Variants in CNTN6 observed in about 807,000 individuals in gnomAD.
The protein encoded by CNTN6 is contactin 6.
A neutral mutation model predicts 122.8 loss-of-function variants in CNTN6; 137 were observed. The observed-to-expected ratio is 1.12, with a 90% CI of 0.97 to 1.29. The LOEUF (loss-of-function observed/expected upper bound fraction) is 1.29. Ranked by LOEUF, CNTN6 falls within the 50% of genes most tolerant of loss-of-function variation. CNTN6 has a pLI of 0.00. For synonymous variants in CNTN6, 570 were observed against 426.0 expected (o/e 1.34, Z -4.16); for missense variants, 1,634 against 1,223.4 (o/e 1.34, Z -5.01).
intron 4 of CNTN6, among the ~76,000 whole-genome samples, chr3:1,257,723 G>A (rs1033266640): frequency 6.6e-6 from 1 of 152,160 alleles, no homozygotes; most frequent in African/African-American, 2.4e-5. Context: ...TCCCGGCAGG[G>A]TAGAACACTA....
At chr3:1,245,313 T>TA (rs553879529) in intron 4 of CNTN6, among the ~76,000 whole-genome samples, 2 of 17,514 alleles carry the variant, frequency 1.1e-4, no homozygotes, top group Non-Finnish European at 1.1e-4. Flanking sequence ...TATATATATA[T>TA]ATATATATAT....
intron 2 of CNTN6, among the ~76,000 whole-genome samples, chr3:1,170,502 G>T (rs996734905): frequency 1.3e-5 from 2 of 152,098 alleles, no homozygotes; most frequent in South Asian, 4.1e-4. Context: ...ACAGCCCTTT[G>T]ATTTCAAAAG....
At position 1,247,016 on chromosome 3, in the gene CNTN6, T is replaced by G. The variant is rs1575410014; in HGVS notation, c.358+19023T>G. Among the ~76,000 whole-genome samples, 4 of 151,956 alleles carry G rather than the reference T, an allele frequency of 2.6e-5. No homozygotes were observed. The Admixed American group carries it at 2.6e-4, about 10-fold the overall frequency. On this transcript the variant is annotated intron_variant, in intron 4 of 22. Coordinates refer to ENST00000446702, the MANE Select transcript of CNTN6 (RefSeq NM_001289080.2). ...TTTTGATAAACAGAAAAATTTAAAT[T>G]TAACATAGTTCAATCTATTGGTCTT...
At chr3:1,379,309 TA>T (rs1373157788) in intron 17 of CNTN6, among the ~76,000 whole-genome samples, 1 of 152,176 alleles carries the variant, frequency 6.6e-6, no homozygotes, top group Non-Finnish European at 1.5e-5. Context: ...CACCCATAGC[TA>T]CATCCATTAA....
intron 4 of CNTN6, among the ~76,000 whole-genome samples, chr3:1,251,807 A>G (rs768811844): frequency 5.9e-5 from 9 of 152,080 alleles, no homozygotes; most frequent in African/African-American, 7.2e-5. Flanking sequence ...TCATCCTCAC[A>G]TACCTCAAAC....
intron 4 of CNTN6, among the ~76,000 whole-genome samples, chr3:1,274,140 G>A (rs1691886145): frequency 6.6e-6 from 1 of 151,134 alleles, no homozygotes; most frequent in Admixed American, 6.6e-5. Context: ...ACTAGAAACA[G>A]AAACAATGAT....
At chr3:1,184,978 T>C (rs1559474474) in intron 2 of CNTN6, among the ~76,000 whole-genome samples, 1 of 152,172 alleles carries the variant, frequency 6.6e-6, no homozygotes, top group East Asian at 1.9e-4. Flanking sequence ...ATTCTAGCAT[T>C]ACGTTAATGT....
At chr3:1,275,748 C>T (rs12374165) in intron 4 of CNTN6, among the ~76,000 whole-genome samples, 67,411 of 151,874 alleles carry the variant, frequency 0.44, 16,487 homozygotes, top group Non-Finnish European at 0.56. Context: ...CTCACATGCG[C>T]GGTTCACAAT....
At chr3:1,303,484 C>T (rs1289167840) in intron 7 of CNTN6, among the ~76,000 whole-genome samples, 1 of 152,128 alleles carries the variant, frequency 6.6e-6, no homozygotes, top group Non-Finnish European at 1.5e-5. Context: ...TTAGCTAGTA[C>T]CTTTGCTTTT....
intron 11 of CNTN6, 92 bp from the exon 12 acceptor site, chr3:1,352,232 G>A: frequency 8.4e-7 from 1 of 1,188,436 alleles, no homozygotes; most frequent in African/African-American, 1.6e-5. Flanking sequence ...ATACACCCAT[G>A]ATTTTAGTAA....
intron 7 of CNTN6, among the ~76,000 whole-genome samples, chr3:1,310,421 T>G (rs2125922057): frequency 6.6e-6 from 1 of 152,288 alleles, no homozygotes; most frequent in East Asian, 1.9e-4. Flanking sequence ...CATGAATTAA[T>G]TTTCTAATAT....
At chr3:1,307,056 A>G (rs920151047) in intron 7 of CNTN6, among the ~76,000 whole-genome samples, 2 of 152,182 alleles carry the variant, frequency 1.3e-5, no homozygotes, top group South Asian at 2.1e-4. Flanking sequence ...TCTCCAAAGG[A>G]CAGACACTTG....
chr3:1,325,775 T>C lies in CNTN6; in HGVS notation c.947-40T>C, dbSNP rs774675977. ...AATGTAGCATAATGTCTTGGATAAC[T>C]GCCTTTTACCAAACAGTGGCACTTG... On this transcript the variant is annotated intron_variant, in intron 8 of 22. Coordinates refer to ENST00000446702, the MANE Select transcript of CNTN6 (RefSeq NM_001289080.2). The C allele has an allele frequency of 5.6e-6, 9 of 1,599,346 alleles. No individual in the cohort carries two copies. The South Asian group carries it at 7.9e-5, about 14-fold the overall frequency.
intron 2 of CNTN6, among the ~76,000 whole-genome samples, chr3:1,195,899 GT>G (rs142615739): frequency 2.0e-5 from 3 of 149,932 alleles, no homozygotes; most frequent in South Asian, 2.1e-4. Flanking sequence ...CCAAAGAGAA[GT>G]TTTTTTTTTA....
chr3:1,312,046 A>G (rs1479932297), intron 7 of CNTN6, among the ~76,000 whole-genome samples: 1 of 152,012 alleles, frequency 6.6e-6, no homozygotes, highest in African/African-American at 2.4e-5. Flanking sequence ...AATTAGGATT[A>G]TTGGTAAATG....
At chr3:1,291,488 C>T (rs527463492) in intron 5 of CNTN6, among the ~76,000 whole-genome samples, 1 of 152,112 alleles carries the variant, frequency 6.6e-6, no homozygotes, top group Non-Finnish European at 1.5e-5. Context: ...AAAGGGGTGA[C>T]ATTGGATTTC....
At chr3:1,102,051 A>G (rs2090925727) in intron 1 of CNTN6, among the ~76,000 whole-genome samples, 1 of 152,194 alleles carries the variant, frequency 6.6e-6, no homozygotes, top group Non-Finnish European at 1.5e-5. Flanking sequence ...TTAAGGCGGG[A>G]AGGAGAGATC....
At chr3:1,125,779 T>C (rs924315887) in intron 1 of CNTN6, among the ~76,000 whole-genome samples, 10 of 151,698 alleles carry the variant, frequency 6.6e-5, no homozygotes, top group African/African-American at 2.4e-4. Flanking sequence ...CTAATCAAAG[T>C]ACCGGTAATA....
At position 1,295,813 on chromosome 3, in the gene CNTN6, A is replaced by T. The variant is rs1341773600; in HGVS notation, c.658+9A>T. ...AGTGCAGCGCACTGATGGTAAGATA[A>T]TGAGTTATCTTGGGAATGTACTTTA... On this transcript the variant is annotated intron_variant, in intron 6 of 22. Transcript: ENST00000446702. The T allele has an allele frequency of 6.2e-7, 1 of 1,609,622 alleles. No homozygotes were observed. The highest frequency in any genetic ancestry group is 1.1e-5 in the South Asian group (1 of 90,892).
Sources: gnomAD v4.1 joint callset for allele counts (sites outside exome capture counted in the v4.1 genomes callset) on GRCh38, gnomAD v4.1.1 for gene constraint, MANE v1.5 for transcripts, NCBI Gene and HGNC (gene_info 2026-07-23, HGNC 2026-07-21) for gene names.